Variants in KCNH7 observed in about 807,000 individuals in gnomAD.
The protein encoded by KCNH7 is voltage-gated inwardly rectifying potassium channel KCNH7.
In KCNH7, 49 loss-of-function variants were observed where a neutral mutation model predicts 120.8. The ratio of observed to expected loss-of-function variants is 0.41; its 90% CI spans 0.32 to 0.51. The LOEUF (loss-of-function observed/expected upper bound fraction) is 0.51. KCNH7 is among the 20% of genes least tolerant of loss of function. The probability of loss-of-function intolerance (pLI) is 0.38; values close to 1 mark genes in which losing one functional copy is unlikely to be tolerated. For missense variants in KCNH7, 1,097 were observed against 1,446.6 expected (o/e 0.76, Z 3.92); for synonymous variants, 547 against 516.1 (o/e 1.06, Z -0.81).
chr2:162,399,023 A>G (rs1227013915), intron 10 of KCNH7, among the ~76,000 whole-genome samples: 1 of 151,886 alleles, frequency 6.6e-6, no homozygotes, highest in East Asian at 1.9e-4. Flanking sequence ...ACACAGCAGC[A>G]GGGAAAACAG....
At chr2:162,373,690 A>G in intron 14 of KCNH7, 28 bp from the exon 15 acceptor site, 2 of 1,420,602 alleles carry the variant, frequency 1.4e-6, no homozygotes, top group Non-Finnish European at 1.9e-6. Context: ...GTAGGAAAAG[A>G]CAGTCTAAAA....
chr2:162,656,500 A>T (rs1684768561), intron 2 of KCNH7, among the ~76,000 whole-genome samples: 1 of 152,186 alleles, frequency 6.6e-6, no homozygotes, highest in Non-Finnish European at 1.5e-5. Flanking sequence ...AAGCATATAG[A>T]GAATATGAGG....
chr2:162,398,690 A>G (rs1487914582), intron 10 of KCNH7, among the ~76,000 whole-genome samples: 1 of 151,930 alleles, frequency 6.6e-6, no homozygotes, highest in Non-Finnish European at 1.5e-5. Flanking sequence ...TTACTACTTG[A>G]TAAAGCAAGA....
chr2:162,739,429 T>C (rs2105406747), intron 2 of KCNH7, among the ~76,000 whole-genome samples: 1 of 152,220 alleles, frequency 6.6e-6, no homozygotes, highest in East Asian at 1.9e-4. Context: ...ATGTTCTTTG[T>C]TTTTGCCTTA....
At chr2:162,792,314 A>G (rs116707502) in intron 2 of KCNH7, among the ~76,000 whole-genome samples, 2,783 of 152,058 alleles carry the variant, frequency 0.018, 43 homozygotes, top group Non-Finnish European at 0.026. Flanking sequence ...GTTAGGGAGG[A>G]GTCCCTCCTC....
At chr2:162,649,456 A>T (rs1261556137) in intron 2 of KCNH7, among the ~76,000 whole-genome samples, 1 of 152,212 alleles carries the variant, frequency 6.6e-6, no homozygotes, top group Admixed American at 6.5e-5. Context: ...TGTAATATTT[A>T]CTTATTATTT....
intron 14 of KCNH7, 105 bp from the exon 15 acceptor site, chr2:162,373,767 C>T: frequency 1.5e-6 from 1 of 660,568 alleles, no homozygotes; most frequent in Non-Finnish European, 2.3e-6. Flanking sequence ...TATGGCCTTG[C>T]TTTAAACAAG....
At chr2:162,425,627 T>C (rs1011953031) in intron 8 of KCNH7, among the ~76,000 whole-genome samples, 1 of 152,188 alleles carries the variant, frequency 6.6e-6, no homozygotes, top group African/African-American at 2.4e-5. Flanking sequence ...TATCATGTGC[T>C]CAGGAAGTAG....
chr2:162,652,021 T>C (rs1490661043), intron 2 of KCNH7, among the ~76,000 whole-genome samples: 1 of 152,188 alleles, frequency 6.6e-6, no homozygotes, highest in East Asian at 1.9e-4. Context: ...AGTCTGTTCA[T>C]GATCTTTGTC....
chr2:162,657,310 T>C (rs1684798875), intron 2 of KCNH7, among the ~76,000 whole-genome samples: 1 of 152,206 alleles, frequency 6.6e-6, no homozygotes, highest in East Asian at 1.9e-4. Flanking sequence ...CTCCACTCTA[T>C]TCATCTTCCC....
intron 5 of KCNH7, among the ~76,000 whole-genome samples, chr2:162,506,152 T>C (rs1690874292): frequency 6.6e-6 from 1 of 151,846 alleles, no homozygotes; most frequent in East Asian, 1.9e-4. Context: ...AGAAGAAAAA[T>C]GTCACGAGCT....
chr2:162,710,882 T>TA (rs1311033541), intron 2 of KCNH7, among the ~76,000 whole-genome samples: 2 of 152,156 alleles, frequency 1.3e-5, no homozygotes, highest in African/African-American at 2.4e-5. Flanking sequence ...CAAATTCTTC[T>TA]AATATATTAC....
Position 162,445,308 on chromosome 2 carries a change from G to A in KCNH7, c.1554+710C>T, listed in dbSNP as rs76025333. ...AGGATTTTTTCAACCTATTCCCTTG[G>A]AACTACTTTCAAGCATTCTATAAAT... On this transcript the variant is annotated intron_variant, in intron 7 of 15. Coordinates refer to ENST00000332142, the MANE Select transcript of KCNH7 (RefSeq NM_033272.4). Among the ~76,000 whole-genome samples the A allele has an allele frequency of 4.2e-3, 636 of 152,076 alleles. 12 individuals are homozygous for A. The East Asian group carries it at 0.06, about 14-fold the overall frequency.
intron 2 of KCNH7, among the ~76,000 whole-genome samples, chr2:162,694,837 G>A (rs1006306827): frequency 6.6e-6 from 1 of 151,866 alleles, no homozygotes; most frequent in Admixed American, 6.6e-5. Flanking sequence ...TCTGCCTTCT[G>A]GGTTCAAGCG....
intron 2 of KCNH7, among the ~76,000 whole-genome samples, chr2:162,738,522 C>T (rs1688001414): frequency 6.6e-6 from 1 of 152,164 alleles, no homozygotes; most frequent in African/African-American, 2.4e-5. Context: ...TCAGGAGGTA[C>T]AGCTTCATAT....
chr2:162,685,065 G>A (rs1170898125), intron 2 of KCNH7, among the ~76,000 whole-genome samples: 2 of 152,084 alleles, frequency 1.3e-5, no homozygotes, highest in African/African-American at 4.8e-5. Context: ...GATAAAGGTG[G>A]AAACCATCAT....
chr2:162,574,544 A>G (rs958662447), intron 2 of KCNH7, among the ~76,000 whole-genome samples: 7 of 152,142 alleles, frequency 4.6e-5, no homozygotes, highest in Non-Finnish European at 1.0e-4. Context: ...GACTGTAATT[A>G]CTTTCTGAAA....
At chr2:162,835,509 T>C (rs976204105) in intron 2 of KCNH7, among the ~76,000 whole-genome samples, 3 of 151,900 alleles carry the variant, frequency 2.0e-5, no homozygotes, top group Admixed American at 6.6e-5. Flanking sequence ...GTTAGTGGAA[T>C]AAAAAGAAAT....
chr2:162,589,184 G>T (rs952429674), intron 2 of KCNH7, among the ~76,000 whole-genome samples: 2 of 152,006 alleles, frequency 1.3e-5, no homozygotes, highest in Non-Finnish European at 2.9e-5. Flanking sequence ...GGCACTCTGG[G>T]GCTTTGTAGA....
Sources: gnomAD v4.1 joint callset for allele counts (sites outside exome capture counted in the v4.1 genomes callset) on GRCh38, gnomAD v4.1.1 for gene constraint, MANE v1.5 for transcripts, NCBI Gene and HGNC (gene_info 2026-07-23, HGNC 2026-07-21) for gene names.